MARK1: variants seen among roughly 807,000 people sequenced by gnomAD.
The protein encoded by MARK1 is microtubule affinity regulating kinase 1.
Under a neutral mutation model 96.3 loss-of-function variants are expected in MARK1, and 40 were observed. That is an observed-to-expected ratio of 0.42 (90% CI 0.32 to 0.54). MARK1 has a LOEUF of 0.54. Ranked by LOEUF, MARK1 falls within the 20% of genes least tolerant of loss-of-function variation. The probability of loss-of-function intolerance (pLI) is 0.16; values close to 1 mark genes in which losing one functional copy is unlikely to be tolerated. For synonymous variants in MARK1, 317 were observed against 341.2 expected (o/e 0.93, Z 0.78); for missense variants, 719 against 984.6 (o/e 0.73, Z 3.61).
Position 220,663,822 on chromosome 1 carries a change from A to C in MARK1, c.*1656A>C, listed in dbSNP as rs1374732018. Reference sequence around the variant, plus strand: ...AAAATGTGTAGCCCCTTTTTAACCTAGTGTTCATTCAAAAAAAAATTGATG... The same window carrying C: ...AAAATGTGTAGCCCCTTTTTAACCTCGTGTTCATTCAAAAAAAAATTGATG... On this transcript the variant is annotated 3_prime_UTR_variant, in exon 18 of 18. Transcript: ENST00000366917. The C allele has an allele frequency of 6.6e-6, 1 of 151,882 alleles. No individual in the cohort carries two copies. The highest frequency in any genetic ancestry group is 1.9e-4 in the East Asian group (1 of 5,176). The allele number at this position is 151,882 out of a possible 1,614,324, so 9.4% of individuals were successfully genotyped here.
At chr1:220,657,098 T>C (rs958786124) in intron 16 of MARK1, among the ~76,000 whole-genome samples, 16 of 152,180 alleles carry the variant, frequency 1.1e-4, no homozygotes, top group Admixed American at 5.9e-4. Context: ...TAATTACCTT[T>C]AAAAATAACA....
chr1:220,633,525 C>G (rs1011436954), intron 11 of MARK1, among the ~76,000 whole-genome samples: 1 of 152,196 alleles, frequency 6.6e-6, no homozygotes, highest in African/African-American at 2.4e-5. Context: ...GAGAAAGTCT[C>G]TGCTCTCAAG....
chr1:220,580,671 G>A (rs1203379608), intron 2 of MARK1, among the ~76,000 whole-genome samples: 1 of 152,108 alleles, frequency 6.6e-6, no homozygotes, highest in East Asian at 1.9e-4. Context: ...AAGTAAGCTT[G>A]GATATCCAAT....
chr1:220,623,038 C>A (rs1667131134), intron 9 of MARK1, among the ~76,000 whole-genome samples: 1 of 151,930 alleles, frequency 6.6e-6, no homozygotes, highest in South Asian at 2.1e-4. Flanking sequence ...CTAGAGTAAA[C>A]TTTGTTTTGT....
chr1:220,641,520 C>A (rs1011591663), intron 13 of MARK1, among the ~76,000 whole-genome samples: 1 of 152,000 alleles, frequency 6.6e-6, no homozygotes, highest in Admixed American at 6.5e-5. Context: ...TATAAGCCAG[C>A]CAGTTTATGA....
At chr1:220,569,836 T>C (rs1663317603) in intron 1 of MARK1, among the ~76,000 whole-genome samples, 1 of 152,134 alleles carries the variant, frequency 6.6e-6, no homozygotes, top group Non-Finnish European at 1.5e-5. Flanking sequence ...GATGTGTTTA[T>C]AGATGTCAGT....
intron 13 of MARK1, among the ~76,000 whole-genome samples, chr1:220,644,841 G>T (rs1668493819): frequency 6.6e-6 from 1 of 152,072 alleles, no homozygotes; most frequent in Non-Finnish European, 1.5e-5. Context: ...GGTAAATAAT[G>T]AAATTAAGGC....
intron 3 of MARK1, among the ~76,000 whole-genome samples, chr1:220,586,011 A>ACACACGCATGCG: frequency 1.3e-5 from 2 of 148,636 alleles, no homozygotes; most frequent in East Asian, 3.9e-4. Flanking sequence ...ACACACACAC[A>ACACACGCATGCG]CGCGCGCGTG....
chr1:220,619,884 T>G (rs1260873599), intron 9 of MARK1, among the ~76,000 whole-genome samples: 1 of 152,236 alleles, frequency 6.6e-6, no homozygotes, highest in Non-Finnish European at 1.5e-5. Context: ...TTCAGAGAAT[T>G]AACCTCATAT....
chr1:220,629,066 G>A (rs1186201997), intron 9 of MARK1, among the ~76,000 whole-genome samples: 1 of 152,060 alleles, frequency 6.6e-6, no homozygotes, highest in Non-Finnish European at 1.5e-5. Context: ...TAATAAATGA[G>A]GGGAAGGTAC....
At chr1:220,624,012 T>C (rs1667181797) in intron 9 of MARK1, among the ~76,000 whole-genome samples, 1 of 152,196 alleles carries the variant, frequency 6.6e-6, no homozygotes, top group Admixed American at 6.5e-5. Flanking sequence ...AATTCTGTTG[T>C]GTATTCAAAT....
intron 3 of MARK1, among the ~76,000 whole-genome samples, chr1:220,582,180 T>C (rs951051022): frequency 1.3e-5 from 2 of 152,200 alleles, no homozygotes; most frequent in African/African-American, 4.8e-5. Flanking sequence ...TTATCGGAGA[T>C]TCTTTTGAAA....
In MARK1 at chr1:220,653,099, A is replaced by G. The variant is rs755640047; in HGVS notation, c.1737-2A>G. On this transcript the variant is annotated splice_acceptor_variant, in intron 15 of 17. Coordinates refer to ENST00000366917, the MANE Select transcript of MARK1 (RefSeq NM_018650.5). LOFTEE classifies it high-confidence loss of function. ...ATGATATATCTTAATTTGTCCCAGCAGTACAACCCAGAGAGTGCCTGCTGC... is the reference window on the plus strand; with the variant it reads ...ATGATATATCTTAATTTGTCCCAGCGGTACAACCCAGAGAGTGCCTGCTGC... 1 of 1,613,978 alleles carries G rather than the reference A, an allele frequency of 6.2e-7. No individual in the cohort carries two copies. The highest frequency in any genetic ancestry group is 8.5e-7 in the Non-Finnish European group (1 of 1,179,838).
chr1:220,620,552 T>G (rs891470270), intron 9 of MARK1, among the ~76,000 whole-genome samples: 1 of 152,184 alleles, frequency 6.6e-6, no homozygotes, highest in African/African-American at 2.4e-5. Flanking sequence ...CAGATCTCTA[T>G]GGACAGTAGG....
chr1:220,653,713 T>C (rs1669018615), intron 16 of MARK1, among the ~76,000 whole-genome samples: 2 of 152,198 alleles, frequency 1.3e-5, no homozygotes, highest in Admixed American at 1.3e-4. Context: ...ACAATACTTT[T>C]AAATTGCTTA....
intron 3 of MARK1, among the ~76,000 whole-genome samples, chr1:220,581,898 C>T (rs1664267272): frequency 6.6e-6 from 1 of 152,132 alleles, no homozygotes; most frequent in Non-Finnish European, 1.5e-5. Context: ...AATGTTTTAA[C>T]ATTTATGCTG....
chr1:220,561,105 C>A (rs1271374436), intron 1 of MARK1, among the ~76,000 whole-genome samples: 2 of 144,952 alleles, frequency 1.4e-5, no homozygotes, highest in African/African-American at 4.9e-5. Context: ...GACATATAAC[C>A]TGAGTAAGGA....
Position 220,646,481 on chromosome 1 carries a change from C to A in MARK1, c.1471-4139C>A, listed in dbSNP as rs1235523121. On this transcript the variant is annotated intron_variant, in intron 13 of 17. Coordinates refer to ENST00000366917, the MANE Select transcript of MARK1 (RefSeq NM_018650.5). ...AATATTGTCAAAATGACCATACTGC[C>A]AAAGCAACTTATAAATTCAATGCTA... 2.0e-5 allele frequency among the ~76,000 whole-genome samples: 3 copies of A among 152,234 alleles called. No individual in the cohort carries two copies. The East Asian group carries it at 5.8e-4, about 29-fold the overall frequency.
intron 1 of MARK1, 104 bp downstream of exon 1, chr1:220,528,977 C>T: frequency 8.6e-7 from 1 of 1,165,536 alleles, no homozygotes. Flanking sequence ...CGCGGCCACC[C>T]GCGGCAGGGT....
Sources: gnomAD v4.1 joint callset for allele counts (sites outside exome capture counted in the v4.1 genomes callset) on GRCh38, gnomAD v4.1.1 for gene constraint, MANE v1.5 for transcripts, NCBI Gene and HGNC (gene_info 2026-07-23, HGNC 2026-07-21) for gene names.